SRRM2: variants seen among roughly 807,000 people sequenced by gnomAD.
The protein encoded by SRRM2 is serine/arginine repetitive matrix 2.
In SRRM2, 30 loss-of-function variants were observed where a neutral mutation model predicts 213.8. That is an observed-to-expected ratio of 0.14 (90% CI 0.10 to 0.19). The LOEUF is 0.19. Among genes scored for constraint, SRRM2 ranks in the 10% least tolerant of loss-of-function variants. The pLI, the probability that SRRM2 is intolerant of heterozygous loss-of-function variation, is 1.00. For synonymous variants in SRRM2, 2,025 were observed against 1,377.7 expected, an observed-to-expected ratio of 1.47 and a Z score of -10.40; for missense variants, 4,904 against 3,647.0, an observed-to-expected ratio of 1.34 and a Z score of -8.88.
chr16:2,769,604 A>G (rs1413226756), intron 12 of SRRM2: 3 of 615,458 alleles, frequency 4.9e-6, no homozygotes, highest in Non-Finnish European at 9.1e-6. Flanking sequence ...GGCCACCATC[A>G]TCTTCTCCCG....
At chr16:2,758,415 A>G in intron 4 of SRRM2, 55 bp from the exon 5 acceptor site, 1 of 1,418,916 alleles carries the variant, frequency 7.0e-7, no homozygotes, top group South Asian at 1.2e-5. Context: ...TTTTAAAGAA[A>G]AGAAAGGAAT....
chr16:2,767,823 G>T lies in SRRM2; in HGVS notation c.7295G>T (p.Gly2432Val), dbSNP rs1436617219. 4 of 1,613,888 alleles carry T rather than the reference G, an allele frequency of 2.5e-6. No homozygotes were observed. Among genetic ancestry groups the T allele is most frequent in the Non-Finnish European group, 3.4e-6 (4 of 1,180,004 alleles). The stretch of plus-strand genomic sequence containing the variant: ...GCTCCCTCCCCTTCCTCTAGAATGG[G>T]CCAGGCTCCTTCACAGTCTCTTCTC... ...ERAPSPSSRM[G>V]QAPSQSLLPP... Residue 2432 changes from glycine (G) to valine (V), a missense_variant, in exon 11 of 15, where the codon GGC becomes GTC. Transcript: ENST00000301740.
rs1176798014 is a variant in SRRM2, at chr16:2,770,382, C to T, written c.8052C>T (p.Ser2684=). The part of the protein sequence containing the change: ...RSRSPRKPID[S]LRDSRSLSYS... ...GCAGCCCCCGGAAGCCAATAGACTC[C>T]CTCAGGGACTCTCGGTCCCTCAGCT... is the stretch of plus-strand genomic sequence containing the variant. The change falls in exon 13 of 15, where the codon TCC becomes TCT. Residue 2684 remains serine (S), a synonymous_variant. Coordinates refer to ENST00000301740, the MANE Select transcript of SRRM2 (RefSeq NM_016333.4). 3.1e-6 allele frequency: 5 copies of T among 1,608,230 alleles called. No individual in the cohort carries two copies. Among genetic ancestry groups the T allele is most frequent in the South Asian group, 2.2e-5 (2 of 89,722 alleles).
chr16:2,764,533 C>T lies in SRRM2; in HGVS notation c.4005C>T (p.Asn1335=), dbSNP rs1398986461. 2 of 1,614,202 alleles carry T rather than the reference C, an allele frequency of 1.2e-6. No homozygotes were observed. Among genetic ancestry groups the T allele is most frequent in the South Asian group, 2.2e-5 (2 of 91,088 alleles). Reference sequence around the variant, plus strand: ...TTGGATCACCTTTAGAATTTAGAAACTCAGGCCCACTTGGTACAGAAATGA... The same window carrying T: ...TTGGATCACCTTTAGAATTTAGAAATTCAGGCCCACTTGGTACAGAAATGA... ...NSFGSPLEFR[N]SGPLGTEMNT... is the part of the protein sequence containing the mutation. Residue 1335 remains asparagine, a synonymous_variant, in exon 11 of 15, where the codon AAC becomes AAT. Transcript: ENST00000301740.
rs11863244 is a variant in SRRM2 at position 2,769,990 on chromosome 16, G to A, written c.8022-362G>A. ...AGACTCCGCTCAAAACAGCACCTTC[G>A]AGAAGACTGCCCTGCCCCTTCCCTG... is the stretch of plus-strand genomic sequence containing the variant. On this transcript the variant is annotated intron_variant, in intron 12 of 14. Transcript: ENST00000301740. 976 of 505,118 alleles carry A rather than the reference G, an allele frequency of 1.9e-3. 9 individuals are homozygous for A. The highest frequency in any genetic ancestry group is 0.017 in the African/African-American group (872 of 51,798). The allele number at this position is 505,118 out of a possible 1,614,324, so 31.3% of individuals were successfully genotyped here. A position where few individuals can be genotyped will look rare whatever the true frequency, so the allele number is the denominator to read the frequency against.
Position 2,767,646 on chromosome 16 carries a change from C to T in SRRM2, c.7118C>T (p.Pro2373Leu). ...AGCCTCACCAGTGCTAGGATGGCTC[C>T]AGCATTGTCTGGTGCAAACCTCACC... ...PASLTSARMA[P>L]ALSGANLTSP... Residue 2373 changes from proline (P) to leucine (L), a missense_variant, in exon 11 of 15, where the codon CCA (proline) becomes CTA (leucine). Pro to Leu is a moderately conservative substitution (Grantham distance 98). Coordinates refer to ENST00000301740, the MANE Select transcript of SRRM2 (RefSeq NM_016333.4). 2 of 1,614,180 alleles carry T rather than the reference C, an allele frequency of 1.2e-6. No homozygotes were observed. Among genetic ancestry groups the T allele is most frequent in the Non-Finnish European group, 1.7e-6 (2 of 1,180,030 alleles).
Position 2,756,450 on chromosome 16 carries a change from G to T in SRRM2, c.86G>T (p.Arg29Leu), listed in dbSNP as rs1031053753. Residue 29 changes from arginine to leucine, a missense_variant, in exon 2 of 15, where the codon CGC becomes CTC. Physicochemically the swap from Arg to Leu is moderately radical, Grantham distance 102. Coordinates refer to ENST00000301740, the MANE Select transcript of SRRM2 (RefSeq NM_016333.4). ...VQRNLSLVRG[R>L]RGERPDYKGE... ...CGCAACCTGTCCCTGGTGCGGGGCC[G>T]CCGGGGTGAGCGGCCTGACTACAAG... is the stretch of plus-strand genomic sequence containing the variant. 6.2e-7 allele frequency: 1 copy of T among 1,613,010 alleles called. No individual in the cohort carries two copies. Among genetic ancestry groups the T allele is most frequent in the Non-Finnish European group, 8.5e-7 (1 of 1,179,668 alleles).
intron 7 of SRRM2, 28 bp from the exon 8 acceptor site, chr16:2,759,324 C>T (rs754739314): frequency 1.3e-5 from 21 of 1,609,690 alleles, no homozygotes; most frequent in Middle Eastern, 1.7e-4. Flanking sequence ...AAAGAAGTTA[C>T]TTTTAACAAC....
intron 12 of SRRM2, chr16:2,770,037 C>T: frequency 1.1e-6 from 1 of 891,876 alleles, no homozygotes; most frequent in South Asian, 1.7e-5. Flanking sequence ...GTCCCCCTCC[C>T]TTGGGTCCCC....
In SRRM2 at chr16:2,766,841, C is replaced by T. The variant is rs140925396; in HGVS notation, c.6313C>T (p.Pro2105Ser). The change falls in exon 11 of 15, where the codon CCT becomes TCT. Residue 2105 changes from proline (P) to serine (S), a missense_variant. Physicochemically the swap from Pro to Ser is moderately conservative, Grantham distance 74. Transcript: ENST00000301740. The surrounding 1 kb of genome is among the most constrained non-coding windows in gnomAD (Gnocchi z 7.0). ...AAGAAATCATTCTGGTTCACGGACA[C>T]CTCCAGTAGCACTCAACAGTTCCAG... ...ATRNHSGSRTPPVALNSSRMS... is the reference protein window; with the variant it reads ...ATRNHSGSRTSPVALNSSRMS... 25 of 1,614,186 alleles carry T rather than the reference C, an allele frequency of 1.5e-5. No individual in the cohort carries two copies. The highest frequency in any genetic ancestry group is 2.2e-5 in the East Asian group (1 of 44,880).
Position 2,763,603 on chromosome 16 carries a change from A to T in SRRM2, c.3075A>T (p.Leu1025=), listed in dbSNP as rs763395031. 2 of 1,614,144 alleles carry T rather than the reference A, an allele frequency of 1.2e-6. No individual in the cohort carries two copies. Among genetic ancestry groups the T allele is most frequent in the East Asian group, 4.5e-5 (2 of 44,886 alleles). Residue 1025 remains leucine (L), a synonymous_variant, in exon 11 of 15, where the codon CTA becomes CTT. Transcript: ENST00000301740. ...PCPQEKSKDS[L]VQSCPGSLSL... is the part of the protein sequence containing the mutation. ...CCCAAGAGAAGTCTAAAGACTCACT[A>T]GTTCAAAGTTGCCCTGGATCCCTCT...
chr16:2,758,452 C>G lies in SRRM2; in HGVS notation c.516-18C>G, dbSNP rs369859284. On this transcript the variant is annotated intron_variant, in intron 4 of 14. Transcript: ENST00000301740. ...TTTGTTCTACCACCCATCTCTGCTG[C>G]TTTTCATTTTTCCCTAGCCTTGTTC... 6.8e-6 allele frequency: 11 copies of G among 1,606,370 alleles called. No individual in the cohort carries two copies. The African/African-American group carries it at 1.2e-4, about 18-fold the overall frequency.
In SRRM2 at chr16:2,761,933, C is replaced by G; in HGVS notation, c.1405C>G (p.Arg469Gly). 1.2e-6 allele frequency: 2 copies of G among 1,613,990 alleles called. No homozygotes were observed. Among genetic ancestry groups the G allele is most frequent in the Non-Finnish European group, 1.7e-6 (2 of 1,179,998 alleles). The change falls in exon 11 of 15, where the codon CGG becomes GGG. Residue 469 changes from arginine (R) to glycine (G), a missense_variant. Coordinates refer to ENST00000301740, the MANE Select transcript of SRRM2 (RefSeq NM_016333.4). Reference sequence around the variant, plus strand: ...GAATCGCTCACATGGCCGAGCAAAACGGGATAAATCACATTCTCATACCCC... The same window carrying G: ...GAATCGCTCACATGGCCGAGCAAAAGGGGATAAATCACATTCTCATACCCC... ...SKNRSHGRAK[R>G]DKSHSHTPSR...
chr16:2,762,930 C>T lies in SRRM2; in HGVS notation c.2402C>T (p.Ser801Phe), dbSNP rs1335385371. Residue 801 changes from serine to phenylalanine, a missense_variant, in exon 11 of 15, where the codon TCC (serine) becomes TTC (phenylalanine). Transcript: ENST00000301740. ...CCACCCAGGCGCAGTCGCTCTGGAT[C>T]CTCCCAACCTAAAGCTAAATCTAGA... Reference protein sequence around the residue: ...QTPPRRSRSGSSQPKAKSRTP... With the variant: ...QTPPRRSRSGFSQPKAKSRTP... 9.3e-6 allele frequency: 15 copies of T among 1,610,556 alleles called. No homozygotes were observed. Among genetic ancestry groups the T allele is most frequent in the Non-Finnish European group, 1.3e-5 (15 of 1,176,914 alleles).
chr16:2,760,328 T>C lies in SRRM2; in HGVS notation c.861T>C (p.His287=), dbSNP rs772886956. 4 of 1,613,924 alleles carry C rather than the reference T, an allele frequency of 2.5e-6. No individual in the cohort carries two copies. The highest frequency in any genetic ancestry group is 1.3e-5 in the African/African-American group (1 of 75,014). Residue 287 remains histidine (H), a synonymous_variant, in exon 10 of 15, where the codon CAT becomes CAC. Transcript: ENST00000301740. ...SRSRSAAAKT[H]TTALAGRSPS... is the part of the protein sequence containing the mutation. ...CTCGAAGTGCTGCAGCTAAAACTCA[T>C]ACAACTGCCTTGGCTGGGCGAAGTC...
At chr16:2,760,589 T>A (rs1246566267) in intron 10 of SRRM2, 90 bp downstream of exon 10, 16 of 1,417,892 alleles carry the variant, frequency 1.1e-5, no homozygotes, top group African/African-American at 1.4e-5. Context: ...TAATAACTTA[T>A]TAAAATAAAT....
rs745513847 is a variant in SRRM2 at position 2,757,429 on chromosome 16, A to G, written c.243-43A>G. On this transcript the variant is annotated intron_variant, in intron 2 of 14. Transcript: ENST00000301740. ...GGAAATGGAAACCTGGGACTGGGGAAAGTGTCCTGTCGAGCTTAACCCTGA... is the reference window on the plus strand; with the variant it reads ...GGAAATGGAAACCTGGGACTGGGGAGAGTGTCCTGTCGAGCTTAACCCTGA... The G allele has an allele frequency of 1.3e-5, 20 of 1,574,668 alleles. No individual in the cohort carries two copies. In the East Asian group the frequency reaches 3.2e-4, roughly 25 times the overall value.
At position 2,762,921 on chromosome 16, in the gene SRRM2, G is replaced by A. The variant is rs766790933; in HGVS notation, c.2393G>A (p.Arg798His). 52 of 1,609,826 alleles carry A rather than the reference G, an allele frequency of 3.2e-5. No homozygotes were observed. The highest frequency in any genetic ancestry group is 6.7e-5 in the East Asian group (3 of 44,880). Residue 798 changes from arginine to histidine, a missense_variant, in exon 11 of 15, where the codon CGC (arginine) becomes CAC (histidine). Coordinates refer to ENST00000301740, the MANE Select transcript of SRRM2 (RefSeq NM_016333.4). ...QKSQTPPRRS[R>H]SGSSQPKAKS... ...TCACAGACACCACCCAGGCGCAGTC[G>A]CTCTGGATCCTCCCAACCTAAAGCT...
intron 2 of SRRM2, 45 bp downstream of exon 2, chr16:2,756,651 G>C (rs751814516): frequency 6.4e-7 from 1 of 1,569,484 alleles, no homozygotes; most frequent in South Asian, 1.2e-5. Flanking sequence ...TGAGTGCAGA[G>C]CTGGGGGTGT....
Sources: gnomAD v4.1 joint callset for allele counts on GRCh38, gnomAD v4.1.1 for gene constraint, Gnocchi (gnomAD v3.1) non-coding constraint, MANE v1.5 for transcripts, NCBI Gene and HGNC (gene_info 2026-07-23, HGNC 2026-07-21) for gene names.